The following ZNF568 variants were observed in gnomAD, a reference collection of about 807,000 sequenced individuals.
The protein encoded by ZNF568 is zinc finger protein 568.
In ZNF568, 11 loss-of-function variants were observed where a neutral mutation model predicts 18.1. That is an observed-to-expected ratio of 0.61 (90% CI 0.38 to 1.00). The LOEUF is 1.00. ZNF568 is among the 50% of genes least tolerant of loss of function. ZNF568 has a pLI of 0.01. For missense variants in ZNF568, 639 were observed against 768.2 expected (o/e 0.83, Z 1.99); for synonymous variants, 213 against 246.6 (o/e 0.86, Z 1.28).
At chr19:36,973,619 G>C (rs2074256169) in intron 6 of ZNF568, 1 of 152,946 alleles carries the variant, frequency 6.5e-6, no homozygotes, top group African/African-American at 2.4e-5. Context: ...CCTCTTGTCT[G>C]GACTAAAAGT....
chr19:36,917,686 T>TA (rs1441574547), intron 2 of ZNF568, 38 bp downstream of exon 2: 1 of 152,248 alleles, frequency 6.6e-6, no homozygotes, highest in Non-Finnish European at 1.5e-5. Context: ...TGATTGCTCA[T>TA]AAAAAATGTT....
At chr19:36,994,456 T>C (rs2074452391) in intron 4 of ZNF568, among the ~76,000 whole-genome samples, 1 of 152,212 alleles carries the variant, frequency 6.6e-6, no homozygotes, top group African/African-American at 2.4e-5. Flanking sequence ...GCAATCTGTT[T>C]CCTTGTTGAT....
chr19:36,980,783 A>G (rs2074324879), downstream of ZNF568, among the ~76,000 whole-genome samples: 1 of 152,178 alleles, frequency 6.6e-6, no homozygotes, highest in African/African-American at 2.4e-5. Flanking sequence ...CATAGGCATC[A>G]TTGATTGAAT....
chr19:36,957,876 T>C (rs569950480), intron 6 of ZNF568, among the ~76,000 whole-genome samples: 2 of 152,310 alleles, frequency 1.3e-5, no homozygotes, highest in South Asian at 2.1e-4. Context: ...ATAAAGCTAA[T>C]TTTTAAGATT....
At chr19:36,958,600 TTTTTTC>T in intron 6 of ZNF568, among the ~76,000 whole-genome samples, 1 of 142,976 alleles carries the variant, frequency 7.0e-6, no homozygotes, top group East Asian at 2.0e-4. Context: ...TCTTTTTTTC[TTTTTTC>T]TTTTTCTTTC....
intron 6 of ZNF568, among the ~76,000 whole-genome samples, chr19:36,958,186 T>C (rs537217831): frequency 1.3e-5 from 2 of 152,376 alleles, no homozygotes; most frequent in Admixed American, 6.5e-5. Flanking sequence ...TAATATTTTA[T>C]TGAGTATTTT....
chr19:36,932,072 T>C (rs10404981), intron 4 of ZNF568, among the ~76,000 whole-genome samples: 29,100 of 152,216 alleles, frequency 0.19, 2,914 homozygotes, highest in African/African-American at 0.26. Context: ...GTACTTTTTA[T>C]TTCTGAATAA....
intron 6 of ZNF568, among the ~76,000 whole-genome samples, chr19:36,943,570 A>ATAT (rs1170783272): frequency 6.6e-6 from 1 of 151,754 alleles, no homozygotes; most frequent in Non-Finnish European, 1.5e-5. Context: ...TATTTTTCAT[A>ATAT]TATTATTATT....
chr19:36,944,265 G>T (rs917131783), intron 6 of ZNF568, among the ~76,000 whole-genome samples: 1 of 151,992 alleles, frequency 6.6e-6, no homozygotes, highest in South Asian at 2.1e-4. Flanking sequence ...GGGCGTGGTG[G>T]TGCATGCCTG....
At chr19:36,985,256 TG>T (rs2074365951) in intron 2 of ZNF568, among the ~76,000 whole-genome samples, 1 of 152,212 alleles carries the variant, frequency 6.6e-6, no homozygotes, top group African/African-American at 2.4e-5. Flanking sequence ...TTCCTTTTTT[TG>T]AAATCTACTG....
chr19:36,941,432 A>G (rs2073877727), intron 6 of ZNF568, among the ~76,000 whole-genome samples: 1 of 152,220 alleles, frequency 6.6e-6, no homozygotes, highest in South Asian at 2.1e-4. Context: ...TCAGCTTTAT[A>G]CTTTTTATTC....
intron 2 of ZNF568, among the ~76,000 whole-genome samples, chr19:36,985,832 T>TA: frequency 6.6e-6 from 1 of 152,198 alleles, no homozygotes; most frequent in East Asian, 1.9e-4. Flanking sequence ...CATTTTTTTT[T>TA]AAATTTGATT....
At chr19:36,992,511 A>G (rs1363393354) in intron 4 of ZNF568, among the ~76,000 whole-genome samples, 2 of 152,074 alleles carry the variant, frequency 1.3e-5, no homozygotes, top group African/African-American at 4.8e-5. Flanking sequence ...TGAAAAAAAA[A>G]GAAAGTAAAG....
downstream of ZNF568, among the ~76,000 whole-genome samples, chr19:36,981,613 G>T (rs1261326029): frequency 6.6e-6 from 1 of 151,848 alleles, no homozygotes; most frequent in Non-Finnish European, 1.5e-5. Context: ...TGTGACTCAC[G>T]CCTGTAACCC....
rs558897262 is a variant in ZNF568, at chr19:36,949,134, A to G, written c.359-378A>G. Among the ~76,000 whole-genome samples the G allele has an allele frequency of 1.8e-4, 28 of 152,260 alleles. No individual in the cohort carries two copies. In the East Asian group the frequency reaches 5.0e-3, roughly 27 times the overall value. ...TTTAGGAAGGAGGAAAAATACATGC[A>G]TTCAAGCCTGTGTGTTTAGTCACAA... is the stretch of plus-strand genomic sequence containing the variant. On this transcript the variant is annotated intron_variant, in intron 6 of 6. Coordinates refer to ENST00000333987, the MANE Select transcript of ZNF568 (RefSeq NM_198539.4).
chr19:36,946,188 G>T (rs1436394352), intron 6 of ZNF568, among the ~76,000 whole-genome samples: 2 of 152,098 alleles, frequency 1.3e-5, no homozygotes, highest in African/African-American at 4.8e-5. Context: ...CAGGGACAGG[G>T]TGGAATCTGG....
chr19:36,974,508 T>C (rs1412350002), intron 7 of ZNF568: 4 of 1,516,340 alleles, frequency 2.6e-6, no homozygotes, highest in Admixed American at 2.0e-5. Flanking sequence ...ACTTACTGGT[T>C]TTCAGGACAG....
rs1169652538 is a variant in ZNF568, at chr19:36,951,944, T to C, written c.*856T>C. ...CTGCACCTGGCCAAAAAATTAACATTCTAAAGGATTTAAATACTGGAATTT... is the reference window on the plus strand; with the variant it reads ...CTGCACCTGGCCAAAAAATTAACATCCTAAAGGATTTAAATACTGGAATTT... On this transcript the variant is annotated 3_prime_UTR_variant, in exon 7 of 7. Transcript: ENST00000333987. The C allele has an allele frequency of 1.0e-6, 1 of 984,276 alleles. No individual in the cohort carries two copies. The highest frequency in any genetic ancestry group is 1.1e-4 in the East Asian group (1 of 8,772). The allele number at this position is 984,276 out of a possible 1,614,324, so 61.0% of individuals were successfully genotyped here.
In ZNF568 at chr19:36,950,910, A is replaced by G. The variant is rs1173246453; in HGVS notation, c.1757A>G (p.Tyr586Cys). 6.2e-7 allele frequency: 1 copy of G among 1,613,548 alleles called. No individual in the cohort carries two copies. The highest frequency in any genetic ancestry group is 8.5e-7 in the Non-Finnish European group (1 of 1,179,828). Residue 586 changes from tyrosine (Y) to cysteine (C), a missense_variant, in exon 7 of 7, where the codon TAT (tyrosine) becomes TGT (cysteine). Transcript: ENST00000333987. ...AGAAGTCACACAGGGGAGAAACCCT[A>G]TGAATGTAATAAATGTGGGAAAGCC... ...HVRSHTGEKP[Y>C]ECNKCGKAFS...
Sources: gnomAD v4.1 joint callset for allele counts (sites outside exome capture counted in the v4.1 genomes callset) on GRCh38, gnomAD v4.1.1 for gene constraint, MANE v1.5 for transcripts, NCBI Gene and HGNC (gene_info 2026-07-23, HGNC 2026-07-21) for gene names.